GALNT2: variants seen among roughly 807,000 people sequenced by gnomAD.
GALNT2 encodes the protein polypeptide N-acetylgalactosaminyltransferase 2.
Under a neutral mutation model 81.4 loss-of-function variants are expected in GALNT2, and 31 were observed. That is an observed-to-expected ratio of 0.38 (90% CI 0.29 to 0.51). The LOEUF (loss-of-function observed/expected upper bound fraction) is 0.51. Ranked by LOEUF, GALNT2 falls within the 20% of genes least tolerant of loss-of-function variation. GALNT2 has a pLI of 0.87. For synonymous variants in GALNT2, 303 were observed against 287.4 expected (o/e 1.05, Z -0.55); for missense variants, 629 against 765.7 (o/e 0.82, Z 2.11).
chr1:230,263,843 T>G (rs978919512), intron 13 of GALNT2: 3 of 152,266 alleles, frequency 2.0e-5, no homozygotes. Context: ...ACCATTATCT[T>G]TCCGCTAACA....
chr1:230,276,034 TAC>T (rs1275522400), intron 15 of GALNT2, among the ~76,000 whole-genome samples: 3 of 62,652 alleles, frequency 4.8e-5, no homozygotes, highest in Admixed American at 2.9e-4. Flanking sequence ...CACATATATA[TAC>T]GTATATACAT....
At chr1:230,277,624 T>C (rs1465709253) in intron 15 of GALNT2, among the ~76,000 whole-genome samples, 2 of 152,216 alleles carry the variant, frequency 1.3e-5, no homozygotes, top group East Asian at 3.8e-4. Context: ...CTTTCCCTGC[T>C]GGCAAGAACT....
intron 1 of GALNT2, among the ~76,000 whole-genome samples, chr1:230,128,074 T>G (rs1039636764): frequency 6.6e-6 from 1 of 152,154 alleles, no homozygotes; most frequent in Non-Finnish European, 1.5e-5. Context: ...CATCACCAGC[T>G]GGGTGGCTGC....
At position 230,118,722 on chromosome 1, in the gene GALNT2, C is replaced by T. The variant is rs187189900; in HGVS notation, c.126+51316C>T. On this transcript the variant is annotated intron_variant, in intron 1 of 15. Coordinates refer to ENST00000366672, the MANE Select transcript of GALNT2 (RefSeq NM_004481.5). ...CCCGCGTGGCTCCTCCCCGCACTGT[C>T]TCGGTGGGAGCATCGTCCGGCCTTC... Among the ~76,000 whole-genome samples, 23 of 152,332 alleles carry T rather than the reference C, an allele frequency of 1.5e-4. No individual in the cohort carries two copies. The East Asian group carries it at 4.2e-3, about 28-fold the overall frequency.
chr1:230,137,218 A>T (rs1661577548), intron 1 of GALNT2, among the ~76,000 whole-genome samples: 1 of 152,232 alleles, frequency 6.6e-6, no homozygotes. Context: ...CATGCTTCAT[A>T]GAAGGGAATC....
chr1:230,244,604 G>A (rs895243759), intron 7 of GALNT2, among the ~76,000 whole-genome samples: 4 of 152,146 alleles, frequency 2.6e-5, no homozygotes, highest in Admixed American at 1.3e-4. Flanking sequence ...GAGCTCAGTG[G>A]TCAGATTGTC....
chr1:230,238,927 T>G (rs1047151874), intron 6 of GALNT2, among the ~76,000 whole-genome samples: 1 of 152,168 alleles, frequency 6.6e-6, no homozygotes, highest in African/African-American at 2.4e-5. Flanking sequence ...AATTATTTCT[T>G]TTTTAAATGT....
rs971498105 is a variant in GALNT2 at position 230,279,193 on chromosome 1, G to A, written c.1561-110G>A. 4.2e-6 allele frequency: 5 copies of A among 1,185,604 alleles called. No homozygotes were observed. The highest frequency in any genetic ancestry group is 2.7e-5 in the East Asian group (1 of 36,916). The allele number at this position is 1,185,604 out of a possible 1,614,324, so 73.4% of individuals were successfully genotyped here. A position where few individuals can be genotyped will look rare whatever the true frequency, so the allele number is the denominator to read the frequency against. On this transcript the variant is annotated intron_variant, in intron 15 of 15. Coordinates refer to ENST00000366672, the MANE Select transcript of GALNT2 (RefSeq NM_004481.5). The surrounding 1 kb of genome is among the most constrained non-coding windows in gnomAD (Gnocchi z 4.6). ...GTTCAGATGAGAGGCTGGGAAAAAC[G>A]TGTCTATCTGTGAGTTTTTAATGCA...
chr1:230,151,449 C>T (rs1280883703), intron 1 of GALNT2, among the ~76,000 whole-genome samples: 2 of 152,182 alleles, frequency 1.3e-5, no homozygotes, highest in African/African-American at 2.4e-5. Flanking sequence ...ATGATGCCCT[C>T]GAAGTAATGC....
chr1:230,230,063 A>G (rs546184211), intron 3 of GALNT2, among the ~76,000 whole-genome samples: 50 of 152,296 alleles, frequency 3.3e-4, no homozygotes, highest in African/African-American at 1.2e-3. Flanking sequence ...TGGTACATGG[A>G]TGCTTCTATA....
chr1:230,201,506 G>A lies in GALNT2; in HGVS notation c.221-1631G>A, dbSNP rs1454763367. On this transcript the variant is annotated intron_variant, in intron 2 of 15. Transcript: ENST00000366672. ...TCTGAAATAGAGAAAGGAACACAATGGCCCTTCAATTGTGTAATGAGGGAT... is the reference window on the plus strand; with the variant it reads ...TCTGAAATAGAGAAAGGAACACAATAGCCCTTCAATTGTGTAATGAGGGAT... Among the ~76,000 whole-genome samples the A allele has an allele frequency of 3.3e-5, 5 of 152,226 alleles. 1 individual carries two copies. The highest frequency in any genetic ancestry group is 1.3e-4 in the Admixed American group (2 of 15,288).
intron 14 of GALNT2, among the ~76,000 whole-genome samples, 154 bp from the exon 15 acceptor site, chr1:230,274,291 A>G (rs1490702238): frequency 6.6e-6 from 1 of 152,264 alleles, no homozygotes; most frequent in Non-Finnish European, 1.5e-5. Flanking sequence ...GCCCTTAGGC[A>G]AAAAGTAATT....
In GALNT2 at chr1:230,236,557, C is replaced by T. The variant is rs1425236917; in HGVS notation, c.542-103C>T. The T allele has an allele frequency of 2.1e-6, 3 of 1,425,382 alleles. No homozygotes were observed. In the African/African-American group the frequency reaches 4.3e-5, roughly 20 times the overall value. 88.3% of individuals were successfully genotyped at this position (1,425,382 alleles called of 1,614,324 possible). A position where few individuals can be genotyped will look rare whatever the true frequency, so the allele number is the denominator to read the frequency against. Reference sequence around the variant, plus strand: ...AAGAAGAGGTGCCTCTGTGATGCCCCAAGGAGATAATCGGCCCTTAGATGA... The same window carrying T: ...AAGAAGAGGTGCCTCTGTGATGCCCTAAGGAGATAATCGGCCCTTAGATGA... On this transcript the variant is annotated intron_variant, in intron 5 of 15. Coordinates refer to ENST00000366672, the MANE Select transcript of GALNT2 (RefSeq NM_004481.5).
rs2102755108 is a variant in GALNT2 at position 230,257,351 on chromosome 1, A to G, written c.1136+2007A>G. Among the ~76,000 whole-genome samples the G allele has an allele frequency of 6.6e-6, 1 of 152,368 alleles. No homozygotes were observed. The stretch of plus-strand genomic sequence containing the variant: ...CCTGTGAGCACTGTTGCAGTAGCCC[A>G]GGCCAGAGATGTGATACAGTCATGC... On this transcript the variant is annotated intron_variant, in intron 11 of 15. Coordinates refer to ENST00000366672, the MANE Select transcript of GALNT2 (RefSeq NM_004481.5). The surrounding 1 kb of genome is among the most constrained non-coding windows in gnomAD (Gnocchi z 4.6).
intron 1 of GALNT2, among the ~76,000 whole-genome samples, chr1:230,094,406 G>A (rs915555768): frequency 2.0e-5 from 3 of 151,948 alleles, no homozygotes; most frequent in Admixed American, 6.6e-5. Context: ...GGTGGGAGGC[G>A]GGTGGATTAC....
At chr1:230,123,015 C>T (rs970473254) in intron 1 of GALNT2, among the ~76,000 whole-genome samples, 2 of 152,136 alleles carry the variant, frequency 1.3e-5, no homozygotes, top group Admixed American at 1.3e-4. Context: ...TATAAAGACA[C>T]AAGGCTGGTT....
At chr1:230,081,170 C>G (rs1659715954) in intron 1 of GALNT2, among the ~76,000 whole-genome samples, 1 of 152,150 alleles carries the variant, frequency 6.6e-6, no homozygotes, top group Admixed American at 6.5e-5. Flanking sequence ...TGAAGGGGCT[C>G]CTGCAGCCCT....
intron 2 of GALNT2, among the ~76,000 whole-genome samples, chr1:230,202,401 G>C (rs1006021926): frequency 4.6e-5 from 7 of 152,200 alleles, no homozygotes; most frequent in Admixed American, 4.6e-4. Context: ...GCTCCTCAGT[G>C]CAGTGGTGTG....
chr1:230,136,072 A>G (rs1661529219), intron 1 of GALNT2, among the ~76,000 whole-genome samples: 1 of 152,024 alleles, frequency 6.6e-6, no homozygotes, highest in African/African-American at 2.4e-5. Flanking sequence ...TTGTCAGGAG[A>G]ATTGAATGAG....
Sources: gnomAD v4.1 joint callset for allele counts (sites outside exome capture counted in the v4.1 genomes callset) on GRCh38, gnomAD v4.1.1 for gene constraint, Gnocchi (gnomAD v3.1) non-coding constraint, MANE v1.5 for transcripts, NCBI Gene and HGNC (gene_info 2026-07-23, HGNC 2026-07-21) for gene names.